MDGA2: variants seen among roughly 807,000 people sequenced by gnomAD.
The protein encoded by MDGA2 is MAM domain containing glycosylphosphatidylinositol anchor 2, also known as MAM domain-containing glycosylphosphatidylinositol anchor protein 2.
In MDGA2, 40 loss-of-function variants were observed where a neutral mutation model predicts 117.8. The ratio of observed to expected loss-of-function variants is 0.34; its 90% CI spans 0.26 to 0.44. MDGA2 has a LOEUF of 0.44. Among genes scored for constraint, MDGA2 ranks in the 20% least tolerant of loss-of-function variants. MDGA2 has a pLI of 1.00. For synonymous variants in MDGA2, 452 were observed against 439.0 expected, an observed-to-expected ratio of 1.03 and a Z score of -0.37; for missense variants, 1,123 against 1,250.6, an observed-to-expected ratio of 0.90 and a Z score of 1.54.
chr14:47,566,298 T>G (rs894649960), intron 1 of MDGA2, among the ~76,000 whole-genome samples: 2 of 152,122 alleles, frequency 1.3e-5, no homozygotes, highest in African/African-American at 2.4e-5. Flanking sequence ...CAATTGGGCA[T>G]CCAAGGCTGT....
intron 1 of MDGA2, among the ~76,000 whole-genome samples, chr14:47,461,993 T>A (rs1477670368): frequency 6.6e-6 from 1 of 152,176 alleles, no homozygotes; most frequent in Non-Finnish European, 1.5e-5. Flanking sequence ...TTAAAAGCAA[T>A]GAAGACAATT....
rs1471439514 is a variant in MDGA2 at position 47,200,595 on chromosome 14, T to C, written c.595+17426A>G. On this transcript the variant is annotated intron_variant, in intron 3 of 16. Transcript: ENST00000399232. ...TGGGCTCAGACCAGGAGTCCGTGAG[T>C]CTTGAAGACCTCTGTATATTTGTCA... 4 of 1,190,972 alleles carry C rather than the reference T, an allele frequency of 3.4e-6. No homozygotes were observed. The East Asian group carries it at 7.2e-5, about 21-fold the overall frequency. 73.8% of individuals were successfully genotyped at this position (1,190,972 alleles called of 1,614,324 possible).
chr14:47,301,113 T>A (rs1262297018), intron 2 of MDGA2, among the ~76,000 whole-genome samples: 3 of 152,184 alleles, frequency 2.0e-5, no homozygotes, highest in Admixed American at 2.0e-4. Context: ...ATTTTTGTAG[T>A]TGTCTGTTTA....
chr14:47,561,224 G>A (rs1396335378), intron 1 of MDGA2, among the ~76,000 whole-genome samples: 3 of 106,798 alleles, frequency 2.8e-5, no homozygotes, highest in Middle Eastern at 9.7e-3. Context: ...GCTCTTTTTT[G>A]TTTCCATATC....
At chr14:47,636,975 A>T (rs1376881559) in intron 1 of MDGA2, among the ~76,000 whole-genome samples, 4 of 151,936 alleles carry the variant, frequency 2.6e-5, no homozygotes, top group African/African-American at 2.4e-5. Context: ...CTGTCTCAAA[A>T]AAAAAAAATT....
At chr14:47,672,808 C>A (rs1318780844) in intron 1 of MDGA2, among the ~76,000 whole-genome samples, 1 of 152,092 alleles carries the variant, frequency 6.6e-6, no homozygotes, top group Non-Finnish European at 1.5e-5. Flanking sequence ...GCTAGAATCC[C>A]CGTTTTTCTC....
chr14:47,107,857 T>C (rs866618306), intron 5 of MDGA2, among the ~76,000 whole-genome samples: 2 of 151,406 alleles, frequency 1.3e-5, no homozygotes, highest in East Asian at 3.9e-4. Flanking sequence ...TTAATACTTT[T>C]AGAGGCCCTC....
intron 1 of MDGA2, among the ~76,000 whole-genome samples, chr14:47,574,233 T>C (rs1444248799): frequency 6.6e-6 from 1 of 152,190 alleles, no homozygotes; most frequent in African/African-American, 2.4e-5. Flanking sequence ...ACTGTGGCCC[T>C]ATCCATATCA....
chr14:47,305,614 T>C (rs1889417652), intron 1 of MDGA2, among the ~76,000 whole-genome samples: 1 of 152,144 alleles, frequency 6.6e-6, no homozygotes, highest in African/African-American at 2.4e-5. Flanking sequence ...CCAGGGGCAT[T>C]TTAATCCTTT....
chr14:47,327,946 A>G (rs1186943141), intron 1 of MDGA2, among the ~76,000 whole-genome samples: 1 of 152,204 alleles, frequency 6.6e-6, no homozygotes, highest in East Asian at 1.9e-4. Context: ...TCTCACTCTC[A>G]GTGACAAAGT....
chr14:47,151,633 G>A (rs1883168337), intron 3 of MDGA2, among the ~76,000 whole-genome samples: 1 of 151,744 alleles, frequency 6.6e-6, no homozygotes, highest in Non-Finnish European at 1.5e-5. Flanking sequence ...TAAGCTAAAT[G>A]TGTGAAATTC....
chr14:46,997,989 C>T (rs965914424), intron 8 of MDGA2, among the ~76,000 whole-genome samples: 1 of 151,692 alleles, frequency 6.6e-6, no homozygotes, highest in Non-Finnish European at 1.5e-5. Flanking sequence ...TATTTGAAGA[C>T]TTTTGAATAA....
At chr14:47,454,499 C>G (rs573122427) in intron 1 of MDGA2, among the ~76,000 whole-genome samples, 1 of 152,252 alleles carries the variant, frequency 6.6e-6, no homozygotes, top group African/African-American at 2.4e-5. Context: ...TTCGATAGTA[C>G]TATTTAATGT....
chr14:47,059,228 G>T, intron 7 of MDGA2: 2 of 962,250 alleles, frequency 2.1e-6, no homozygotes, highest in Non-Finnish European at 2.9e-6. Context: ...CGGCTATTGA[G>T]ATTATAGCAA....
chr14:47,255,516 A>G (rs1887589225), intron 2 of MDGA2, among the ~76,000 whole-genome samples: 1 of 152,190 alleles, frequency 6.6e-6, no homozygotes, highest in Non-Finnish European at 1.5e-5. Flanking sequence ...GAAGCTTTTC[A>G]AAATTTATAT....
chr14:47,366,682 C>A (rs1240776868), intron 1 of MDGA2, among the ~76,000 whole-genome samples: 1 of 151,554 alleles, frequency 6.6e-6, no homozygotes, highest in Non-Finnish European at 1.5e-5. Flanking sequence ...TGTCTTCTGG[C>A]TCTTTATTAT....
At chr14:47,058,455 A>C in intron 7 of MDGA2, 1 of 889,736 alleles carries the variant, frequency 1.1e-6, no homozygotes. Context: ...TCTTTGACTC[A>C]CTCATCCCAT....
chr14:47,097,713 C>T (rs1458032225), intron 5 of MDGA2, among the ~76,000 whole-genome samples: 1 of 151,910 alleles, frequency 6.6e-6, no homozygotes, highest in African/African-American at 2.4e-5. Flanking sequence ...CATCTCTAAC[C>T]TCTTCACTTA....
intron 8 of MDGA2, chr14:46,996,708 G>A (rs1204689025): frequency 6.3e-6 from 1 of 159,380 alleles, no homozygotes; most frequent in Non-Finnish European, 1.4e-5. Context: ...GCTCACCAGT[G>A]ATTTAATGCA....
Sources: gnomAD v4.1 joint callset for allele counts (sites outside exome capture counted in the v4.1 genomes callset) on GRCh38, gnomAD v4.1.1 for gene constraint, MANE v1.5 for transcripts, NCBI Gene and HGNC (gene_info 2026-07-23, HGNC 2026-07-21) for gene names.